CACNA1C: variants seen among roughly 807,000 people sequenced by gnomAD.
CACNA1C encodes voltage-dependent L-type calcium channel subunit alpha-1C.
CACNA1C carries 30 observed loss-of-function variants against 229.0 expected under a neutral mutation model. The observed-to-expected ratio is 0.13, with a 90% CI of 0.10 to 0.18. The LOEUF (loss-of-function observed/expected upper bound fraction) is 0.18, where lower values mean the gene tolerates loss of function less well. Ranked by LOEUF, CACNA1C falls within the 10% of genes least tolerant of loss-of-function variation. CACNA1C has a pLI of 1.00. For missense variants in CACNA1C, 1,658 were observed against 2,845.0 expected, an observed-to-expected ratio of 0.58 and a Z score of 9.49; for synonymous variants, 1,114 against 1,132.5, an observed-to-expected ratio of 0.98 and a Z score of 0.33.
chr12:2,430,554 CT>C (rs1356317253), intron 3 of CACNA1C, among the ~76,000 whole-genome samples: 2 of 151,254 alleles, frequency 1.3e-5, no homozygotes, highest in East Asian at 3.9e-4. Flanking sequence ...CTGCCCACCC[CT>C]GACTCAGTCT....
chr12:2,567,491 A>T, intron 12 of CACNA1C, 78 bp from the exon 13 acceptor site: 1 of 829,304 alleles, frequency 1.2e-6, no homozygotes, highest in Non-Finnish European at 1.9e-6. Flanking sequence ...GGAGATAATT[A>T]CTGTATTTCC....
At chr12:2,557,222 A>G (rs1416041136) in intron 11 of CACNA1C, among the ~76,000 whole-genome samples, 3 of 152,202 alleles carry the variant, frequency 2.0e-5, no homozygotes. Context: ...CACAGTCCCT[A>G]GGAAGTTGTC....
At chr12:2,625,777 TAAAAA>T (rs59001750) in intron 29 of CACNA1C, among the ~76,000 whole-genome samples, 1 of 108,888 alleles carries the variant, frequency 9.2e-6, no homozygotes. Context: ...ACCCCATCTC[TAAAAA>T]AAAAAAAAAA....
intron 39 of CACNA1C, chr12:2,676,202 CCTGA>C (rs1603447714): frequency 6.6e-6 from 1 of 152,252 alleles, no homozygotes; most frequent in Admixed American, 6.5e-5. Context: ...GTTCTTCCTT[CCTGA>C]CTATGCTGGA....
intron 1 of CACNA1C, among the ~76,000 whole-genome samples, chr12:2,019,121 T>A (rs1228921986): frequency 6.6e-6 from 1 of 152,014 alleles, no homozygotes; most frequent in Non-Finnish European, 1.5e-5. Flanking sequence ...TTTGATAGGT[T>A]GGCAGGGCAA....
At chr12:2,429,482 T>TA (rs1446374420) in intron 3 of CACNA1C, among the ~76,000 whole-genome samples, 2 of 152,116 alleles carry the variant, frequency 1.3e-5, no homozygotes, top group African/African-American at 4.8e-5. Flanking sequence ...TCAGAAAACT[T>TA]AGGTATAAGC....
intron 3 of CACNA1C, among the ~76,000 whole-genome samples, chr12:2,432,694 G>A (rs962112115): frequency 2.6e-5 from 4 of 152,178 alleles, no homozygotes; most frequent in African/African-American, 9.7e-5. Flanking sequence ...AAAATGGAGT[G>A]TGTAAATAAG....
intron 3 of CACNA1C, among the ~76,000 whole-genome samples, chr12:2,300,347 G>A (rs538464803): frequency 2.0e-5 from 3 of 152,032 alleles, no homozygotes; most frequent in Admixed American, 6.5e-5. Flanking sequence ...CGGGCACGGC[G>A]GGCGGCTCAT....
Position 2,493,424 on chromosome 12 carries a change from C to G in CACNA1C, c.1113+38C>G, listed in dbSNP as rs370338189. The G allele has an allele frequency of 4.6e-6, 7 of 1,533,746 alleles. No homozygotes were observed. In the African/African-American group the frequency reaches 5.5e-5, roughly 12 times the overall value. On this transcript the variant is annotated intron_variant, in intron 7 of 46. Coordinates refer to ENST00000399655, the MANE Select transcript of CACNA1C (RefSeq NM_000719.7). The surrounding 1 kb of genome is among the most constrained non-coding windows in gnomAD (Gnocchi z 4.6). ...AGTGGGCAGTCAGAGGGTGGGGGAA[C>G]AGCGGCCGTGAACCCTTCCCTGACA...
chr12:2,147,455 C>CT (rs1312452667), intron 3 of CACNA1C, among the ~76,000 whole-genome samples: 1 of 151,282 alleles, frequency 6.6e-6, no homozygotes, highest in African/African-American at 2.4e-5. Flanking sequence ...AGACCTCTAG[C>CT]TTTATTGGTA....
At chr12:2,509,021 T>C (rs2099777780) in intron 8 of CACNA1C, among the ~76,000 whole-genome samples, 1 of 152,234 alleles carries the variant, frequency 6.6e-6, no homozygotes, top group Non-Finnish European at 1.5e-5. Context: ...GGTTGCTTTT[T>C]GTTTTAAGCG....
At chr12:2,227,003 G>A (rs2239031) in intron 3 of CACNA1C, among the ~76,000 whole-genome samples, 4 of 152,132 alleles carry the variant, frequency 2.6e-5, no homozygotes, top group Middle Eastern at 3.2e-3. Context: ...TATTGCTGCC[G>A]TTACTGCTGA....
At chr12:2,650,358 GTC>G (rs574416993) in intron 31 of CACNA1C, among the ~76,000 whole-genome samples, 15 of 152,178 alleles carry the variant, frequency 9.9e-5, no homozygotes, top group Non-Finnish European at 1.8e-4. Flanking sequence ...GCCAGTGAGA[GTC>G]TGACCTAGAA....
chr12:1,980,010 T>G (rs1251573156), intron 1 of CACNA1C, among the ~76,000 whole-genome samples: 1 of 152,144 alleles, frequency 6.6e-6, no homozygotes, highest in African/African-American at 2.4e-5. Flanking sequence ...ATGGGAAGTC[T>G]TAGACATTAT....
chr12:2,265,584 G>A (rs147440578), intron 3 of CACNA1C, among the ~76,000 whole-genome samples: 1 of 152,360 alleles, frequency 6.6e-6, no homozygotes, highest in Non-Finnish European at 1.5e-5. Context: ...TTGCTGAATA[G>A]CATCCCCCAG....
intron 1 of CACNA1C, among the ~76,000 whole-genome samples, chr12:2,072,309 C>A (rs1466771635): frequency 1.3e-5 from 2 of 152,110 alleles, no homozygotes; most frequent in African/African-American, 4.8e-5. Flanking sequence ...AGCAGTTCTC[C>A]TGCCCCAGCC....
At chr12:2,295,297 C>T (rs1220320372) in intron 3 of CACNA1C, among the ~76,000 whole-genome samples, 2 of 152,180 alleles carry the variant, frequency 1.3e-5, no homozygotes, top group African/African-American at 2.4e-5. Context: ...TGCCGCTTCT[C>T]ACCTCTGGCA....
At chr12:2,562,098 G>A in intron 11 of CACNA1C, among the ~76,000 whole-genome samples, 1 of 132,276 alleles carries the variant, frequency 7.6e-6, no homozygotes, top group Non-Finnish European at 1.6e-5. Context: ...AAATCCATGT[G>A]ACTCTCCCAA....
rs2096933764 is a variant in CACNA1C, at chr12:2,678,402, T to A, written c.5091+535T>A. ...TCCAGAACTCCCCTTTCCCTCTCCTTTCCTGGAGACTGAAGCTGCCCAGCA... is the reference window on the plus strand; with the variant it reads ...TCCAGAACTCCCCTTTCCCTCTCCTATCCTGGAGACTGAAGCTGCCCAGCA... On this transcript the variant is annotated intron_variant, in intron 41 of 46. Transcript: ENST00000399655. The surrounding 1 kb of genome is among the most constrained non-coding windows in gnomAD (Gnocchi z 4.1). 6.6e-6 allele frequency among the ~76,000 whole-genome samples: 1 copy of A among 152,158 alleles called. No homozygotes were observed. Among genetic ancestry groups the A allele is most frequent in the Non-Finnish European group, 1.5e-5 (1 of 68,018 alleles).
Sources: allele counts gnomAD v4.1 joint callset (sites outside exome capture counted in the v4.1 genomes callset), GRCh38; gene constraint gnomAD v4.1.1; non-coding constraint Gnocchi (gnomAD v3.1); transcripts MANE v1.5; gene names NCBI Gene and HGNC (gene_info 2026-07-23, HGNC 2026-07-21).